Variants in TRPM1 observed in about 807,000 individuals in gnomAD.
TRPM1 encodes TRPM1-203 APA Isoform, Intron 10.
A neutral mutation model predicts 149.4 loss-of-function variants in TRPM1; 113 were observed. The ratio of observed to expected loss-of-function variants is 0.76; its 90% CI spans 0.65 to 0.88. TRPM1 has a LOEUF of 0.88. Ranked by LOEUF, TRPM1 falls within the 40% of genes least tolerant of loss-of-function variation. The pLI is 0.00. For synonymous variants in TRPM1, 741 were observed against 759.5 expected (o/e 0.98, Z 0.40); for missense variants, 1,976 against 2,038.7 (o/e 0.97, Z 0.59).
intron 4 of TRPM1, chr15:31,069,403 T>A: frequency 1.0e-6 from 1 of 995,292 alleles, no homozygotes. Context: ...GGAACACAGC[T>A]AAATTTTATT....
chr15:31,037,733 A>G lies in TRPM1; in HGVS notation c.2549T>C (p.Ile850Thr). The G allele has an allele frequency of 6.2e-7, 1 of 1,614,224 alleles. No homozygotes were observed. The highest frequency in any genetic ancestry group is 8.5e-7 in the Non-Finnish European group (1 of 1,180,048). Residue 850 changes from isoleucine to threonine, a missense_variant, in exon 20 of 28, where the codon ATT becomes ACT. Around this residue, in one of 3 missense-constraint regions of TRPM1, gnomAD observed 1,332 missense variants for 1,347.1 expected, o/e 0.99. Coordinates refer to ENST00000256552, the MANE Select transcript of TRPM1 (RefSeq NM_001252024.2). ...CACTGTGTAAAACCAGAACTTGACA[A>G]TGGGCGCGTTATAGAATTCACAGAT... is the stretch of plus-strand genomic sequence containing the variant. ...TKICEFYNAPIVKFWFYTISY... is the reference protein window; with the variant it reads ...TKICEFYNAPTVKFWFYTISY...
At chr15:31,155,635 TTGTGACTTTACA>T (rs1483608693) in intron 1 of TRPM1, among the ~76,000 whole-genome samples, 1 of 152,184 alleles carries the variant, frequency 6.6e-6, no homozygotes, top group African/African-American at 2.4e-5. Context: ...TTTACAGATG[TTGTGACTTTACA>T]TGTGTACTTA....
Position 31,151,760 on chromosome 15 carries a change from A to G in TRPM1, c.54+9146T>C, listed in dbSNP as rs558390715. On this transcript the variant is annotated intron_variant, in intron 1 of 26. Transcript: ENST00000542188. Reference sequence around the variant, plus strand: ...CTGTCTCCCTCACCTCTGACCTCACATCTCCCTCACACTGTCTTCTCTGGC... The same window carrying G: ...CTGTCTCCCTCACCTCTGACCTCACGTCTCCCTCACACTGTCTTCTCTGGC... 7.2e-5 allele frequency among the ~76,000 whole-genome samples: 11 copies of G among 152,142 alleles called. 1 individual carries two copies. The highest frequency in any genetic ancestry group is 2.6e-4 in the African/African-American group (11 of 41,522).
rs74388638 is a variant in TRPM1 at position 31,080,030 on chromosome 15, G to T, written c.3+1323C>A. 4.8e-3 allele frequency among the ~76,000 whole-genome samples: 732 copies of T among 152,124 alleles called. 6 individuals are homozygous for T. The highest frequency in any genetic ancestry group is 5.4e-3 in the Non-Finnish European group (367 of 67,994). ...CATGAAAATAAATGACTACAATGAAGAATTATAACCTTTAGACTTAAATAA... is the reference window on the plus strand; with the variant it reads ...CATGAAAATAAATGACTACAATGAATAATTATAACCTTTAGACTTAAATAA... On this transcript the variant is annotated intron_variant, in intron 2 of 27. Transcript: ENST00000256552.
chr15:31,042,514 A>T (rs141506374), intron 16 of TRPM1, among the ~76,000 whole-genome samples: 1 of 152,356 alleles, frequency 6.6e-6, no homozygotes, highest in Non-Finnish European at 1.5e-5. Flanking sequence ...GAAGCCTTTA[A>T]CTGAGGCGAC....
chr15:31,050,697 C>T, intron 11 of TRPM1, 115 bp from the exon 12 acceptor site: 1 of 1,115,896 alleles, frequency 9.0e-7, no homozygotes, highest in Non-Finnish European at 1.4e-6. Flanking sequence ...CACACATGCA[C>T]ACAATGTACA....
At chr15:31,141,080 C>G (rs576774606) in intron 1 of TRPM1, among the ~76,000 whole-genome samples, 7 of 152,152 alleles carry the variant, frequency 4.6e-5, no homozygotes, top group African/African-American at 1.4e-4. Context: ...GATCCGCCCC[C>G]CTCAGCCTCC....
Position 31,064,339 on chromosome 15 carries a change from C to T in TRPM1, c.791-1047G>A, listed in dbSNP as rs111350424. Among the ~76,000 whole-genome samples the T allele has an allele frequency of 4.4e-3, 668 of 152,332 alleles. 7 individuals carry two copies. The highest frequency in any genetic ancestry group is 0.037 in the Middle Eastern group (11 of 294). On this transcript the variant is annotated intron_variant, in intron 7 of 27. Coordinates refer to ENST00000256552, the MANE Select transcript of TRPM1 (RefSeq NM_001252024.2). ...TAATGACCTGTTCCCAGAGTCCTCC[C>T]TCTGTCTCTATCAGTTAATAGGACT...
chr15:31,014,925 C>G (rs1018134763), intron 27 of TRPM1, among the ~76,000 whole-genome samples: 3 of 151,808 alleles, frequency 2.0e-5, no homozygotes, highest in African/African-American at 7.3e-5. Flanking sequence ...TTGACTTCAC[C>G]CTCTTGAATT....
At chr15:31,069,790 G>C in intron 4 of TRPM1, 1 of 1,462,048 alleles carries the variant, frequency 6.8e-7, no homozygotes. Context: ...CTGGTTTGTG[G>C]ATTCAGAGCT....
At position 31,070,337 on chromosome 15, in the gene TRPM1, T is replaced by TA. The variant is rs1454350826; in HGVS notation, c.84-112dup. ...GAGTTGGGCCCAAACAGGAGCCTAC[T>TA]AACACTTCAGTAAGCCAGCGTTATT... On this transcript the variant is annotated intron_variant, in intron 3 of 27. Coordinates refer to ENST00000256552, the MANE Select transcript of TRPM1 (RefSeq NM_001252024.2). The TA allele has an allele frequency of 4.8e-6, 5 of 1,044,242 alleles. No homozygotes were observed. The East Asian group carries it at 1.2e-4, about 25-fold the overall frequency. 64.7% of individuals were successfully genotyped at this position (1,044,242 alleles called of 1,614,324 possible).
At chr15:31,124,317 C>G (rs2035917180) in intron 1 of TRPM1, among the ~76,000 whole-genome samples, 2 of 151,804 alleles carry the variant, frequency 1.3e-5, no homozygotes. Context: ...AGCCATCAGG[C>G]CCCAAGATTT....
Position 31,040,464 on chromosome 15 carries a change from G to T in TRPM1, c.2088-118C>A. 1 of 838,720 alleles carries T rather than the reference G, an allele frequency of 1.2e-6. No homozygotes were observed. The highest frequency in any genetic ancestry group is 2.0e-6 in the Non-Finnish European group (1 of 507,912). The allele number at this position is 838,720 out of a possible 1,614,324, so 52.0% of individuals were successfully genotyped here. A position where few individuals can be genotyped will look rare whatever the true frequency, so the allele number is the denominator to read the frequency against. On this transcript the variant is annotated intron_variant, in intron 17 of 27. Transcript: ENST00000256552. The surrounding 1 kb of genome is among the most constrained non-coding windows in gnomAD (Gnocchi z 4.2). ...GGACACAGTATCCTTCACTGGAGGG[G>T]CTCTGAGGTTCTCTGCAAGCAAGAA... is the stretch of plus-strand genomic sequence containing the variant.
chr15:31,110,954 G>A (rs2035679434), intron 1 of TRPM1, among the ~76,000 whole-genome samples: 1 of 141,544 alleles, frequency 7.1e-6, no homozygotes. Context: ...AGTGGGTTGT[G>A]TTGCAGTGCT....
At chr15:31,090,005 C>T (rs1264208361) in intron 1 of TRPM1, among the ~76,000 whole-genome samples, 3 of 152,086 alleles carry the variant, frequency 2.0e-5, no homozygotes, top group Non-Finnish European at 2.9e-5. Context: ...AATGAAAAAA[C>T]CCTAAACTAG....
chr15:31,005,527 C>T (rs765348731), intron 27 of TRPM1, among the ~76,000 whole-genome samples: 3 of 152,066 alleles, frequency 2.0e-5, no homozygotes, highest in Non-Finnish European at 2.9e-5. Context: ...AATCTCCCAT[C>T]CCTACTGCTG....
At chr15:31,036,492 G>C (rs2033381234) in intron 20 of TRPM1, among the ~76,000 whole-genome samples, 1 of 152,022 alleles carries the variant, frequency 6.6e-6, no homozygotes, top group Non-Finnish European at 1.5e-5. Context: ...CAGGAGAGAG[G>C]CAGGCCCCAC....
intron 1 of TRPM1, among the ~76,000 whole-genome samples, chr15:31,156,935 T>A (rs985723343): frequency 7.2e-5 from 11 of 152,056 alleles, no homozygotes; most frequent in Admixed American, 2.0e-4. Context: ...CATTTATTTT[T>A]TTTTTTTTGA....
intron 7 of TRPM1, chr15:31,064,933 T>C (rs1302945699): frequency 6.7e-6 from 3 of 449,620 alleles, no homozygotes; most frequent in Non-Finnish European, 1.4e-5. Context: ...AAGCAAGGAT[T>C]GATATTTTCA....
Sources: allele counts gnomAD v4.1 joint callset (sites outside exome capture counted in the v4.1 genomes callset), GRCh38; gene constraint gnomAD v4.1.1; regional missense constraint gnomAD v4.1.1; non-coding constraint Gnocchi (gnomAD v3.1); transcripts MANE v1.5; gene names NCBI Gene and HGNC (gene_info 2026-07-23, HGNC 2026-07-21).